The following GRIA4 variants were observed in gnomAD, a reference collection of about 807,000 sequenced individuals.
The protein encoded by GRIA4 is glutamate ionotropic receptor AMPA type subunit 4.
In GRIA4, 34 loss-of-function variants were observed where a neutral mutation model predicts 104.0. The observed-to-expected ratio is 0.33, with a 90% CI of 0.25 to 0.44. GRIA4 has a LOEUF of 0.44. Among genes scored for constraint, GRIA4 ranks in the 20% least tolerant of loss-of-function variants. The pLI is 1.00. For missense variants in GRIA4, 750 were observed against 1,096.5 expected, an observed-to-expected ratio of 0.68 and a Z score of 4.46; for synonymous variants, 386 against 381.9, an observed-to-expected ratio of 1.01 and a Z score of -0.13.
chr11:105,852,611 T>A (rs180735736), intron 4 of GRIA4, among the ~76,000 whole-genome samples: 15 of 152,290 alleles, frequency 9.8e-5, no homozygotes, highest in African/African-American at 3.6e-4. Context: ...CACCTCAGTG[T>A]CATTTCTCCA....
intron 4 of GRIA4, among the ~76,000 whole-genome samples, chr11:105,807,249 T>C (rs1942989884): frequency 6.6e-6 from 1 of 151,942 alleles, no homozygotes; most frequent in Admixed American, 6.6e-5. Flanking sequence ...TAACATTGTG[T>C]ATTTAACTAT....
chr11:105,844,209 C>G (rs1398860862), intron 4 of GRIA4, among the ~76,000 whole-genome samples: 2 of 152,096 alleles, frequency 1.3e-5, no homozygotes, highest in Non-Finnish European at 1.5e-5. Context: ...TGGATATAAC[C>G]TCCCCTTCCA....
chr11:105,615,697 T>C (rs1026730759), intron 3 of GRIA4, among the ~76,000 whole-genome samples: 1 of 151,776 alleles, frequency 6.6e-6, no homozygotes, highest in Non-Finnish European at 1.5e-5. Context: ...AACAGAATAG[T>C]TATCTTTGCA....
intron 4 of GRIA4, among the ~76,000 whole-genome samples, chr11:105,847,918 A>G (rs1302439853): frequency 6.6e-6 from 1 of 152,246 alleles, no homozygotes; most frequent in East Asian, 1.9e-4. Flanking sequence ...TGAGCCTGCC[A>G]GAATAGGTGG....
chr11:105,697,066 C>A (rs1419661475), intron 3 of GRIA4, among the ~76,000 whole-genome samples: 1 of 152,096 alleles, frequency 6.6e-6, no homozygotes, highest in African/African-American at 2.4e-5. Flanking sequence ...ACCCAGCCAA[C>A]TTTTCCTGAT....
At chr11:105,880,939 A>G (rs919698725) in intron 5 of GRIA4, among the ~76,000 whole-genome samples, 2 of 152,164 alleles carry the variant, frequency 1.3e-5, no homozygotes, top group Non-Finnish European at 2.9e-5. Context: ...TACTACTACA[A>G]TGGTTTACTT....
chr11:105,788,588 T>C (rs1041108717), intron 4 of GRIA4, among the ~76,000 whole-genome samples: 18 of 152,160 alleles, frequency 1.2e-4, no homozygotes, highest in Non-Finnish European at 2.4e-4. Flanking sequence ...ATCATTTCAT[T>C]ATAGCCACAT....
chr11:105,961,210 A>G (rs1244740750), intron 14 of GRIA4, among the ~76,000 whole-genome samples: 3 of 152,216 alleles, frequency 2.0e-5, no homozygotes, highest in Non-Finnish European at 2.9e-5. Flanking sequence ...CATTGCTTTA[A>G]TGCACATTAG....
At position 105,932,044 on chromosome 11, in the gene GRIA4, T is replaced by C. The variant is rs555775486; in HGVS notation, c.2047-1678T>C. 2.7e-5 allele frequency among the ~76,000 whole-genome samples: 4 copies of C among 150,818 alleles called. No individual in the cohort carries two copies. The East Asian group carries it at 7.7e-4, about 29-fold the overall frequency. ...AAAGACGTAAGTCTGAATGAGGTCT[T>C]CACTTTTTTTTTTTTTGGATTCAGA... On this transcript the variant is annotated intron_variant, in intron 13 of 16. Coordinates refer to ENST00000282499, the MANE Select transcript of GRIA4 (RefSeq NM_000829.4).
Position 105,625,288 on chromosome 11 carries a change from G to C in GRIA4, c.247+12854G>C, listed in dbSNP as rs573617703. 3.2e-4 allele frequency among the ~76,000 whole-genome samples: 48 copies of C among 152,212 alleles called. No individual in the cohort carries two copies. In the South Asian group the frequency reaches 7.7e-3, roughly 24 times the overall value. On this transcript the variant is annotated intron_variant, in intron 3 of 16. Transcript: ENST00000282499. ...AATGTTCTGTACTCATATGTTTGCA[G>C]ACTGTTTGTTGGAGGAAGTAGGGGA... is the stretch of plus-strand genomic sequence containing the variant.
chr11:105,818,765 C>A (rs1364539710), intron 4 of GRIA4, among the ~76,000 whole-genome samples: 1 of 152,136 alleles, frequency 6.6e-6, no homozygotes, highest in African/African-American at 2.4e-5. Context: ...CACAGAAGGG[C>A]TTGAGCTAAT....
intron 14 of GRIA4, among the ~76,000 whole-genome samples, chr11:105,958,699 C>T (rs538075848): frequency 2.0e-5 from 3 of 152,212 alleles, no homozygotes; most frequent in South Asian, 4.1e-4. Flanking sequence ...GCACCAGCTC[C>T]TCTTTGTACC....
At chr11:105,658,602 TA>T (rs1221812652) in intron 3 of GRIA4, among the ~76,000 whole-genome samples, 10 of 151,704 alleles carry the variant, frequency 6.6e-5, no homozygotes, top group African/African-American at 2.4e-4. Flanking sequence ...AAAATACTCA[TA>T]AACAAAGATG....
intron 3 of GRIA4, among the ~76,000 whole-genome samples, chr11:105,734,243 AAAC>A (rs1227168414): frequency 3.9e-5 from 6 of 151,904 alleles, no homozygotes; most frequent in African/African-American, 1.5e-4. Context: ...GGTAAATGGT[AAAC>A]ACAACAGCAT....
intron 3 of GRIA4, among the ~76,000 whole-genome samples, chr11:105,696,888 C>A (rs1027099432): frequency 6.6e-6 from 1 of 152,040 alleles, no homozygotes; most frequent in East Asian, 1.9e-4. Context: ...CCTCAGCCCC[C>A]CAAATAGCTG....
intron 3 of GRIA4, among the ~76,000 whole-genome samples, chr11:105,616,368 A>T (rs1243612984): frequency 1.3e-5 from 2 of 151,594 alleles, no homozygotes; most frequent in Non-Finnish European, 3.0e-5. Context: ...TTATTTGTGG[A>T]CTCTAAGTAT....
chr11:105,748,200 G>T (rs73630139), intron 3 of GRIA4, among the ~76,000 whole-genome samples: 187 of 152,272 alleles, frequency 1.2e-3, no homozygotes, highest in African/African-American at 4.3e-3. Context: ...TATTCCTAGT[G>T]CTGTTAACTT....
At chr11:105,900,147 A>G (rs140546701) in intron 7 of GRIA4, among the ~76,000 whole-genome samples, 4 of 152,290 alleles carry the variant, frequency 2.6e-5, no homozygotes, top group African/African-American at 9.6e-5. Flanking sequence ...AATAACCACA[A>G]AAGTGCCACA....
chr11:105,888,892 C>T (rs1341658993), intron 6 of GRIA4, among the ~76,000 whole-genome samples: 1 of 151,866 alleles, frequency 6.6e-6, no homozygotes, highest in Non-Finnish European at 1.5e-5. Flanking sequence ...TTTTTCATTG[C>T]TTTTTAGTAG....
Sources: gnomAD v4.1 joint callset for allele counts (sites outside exome capture counted in the v4.1 genomes callset) on GRCh38, gnomAD v4.1.1 for gene constraint, MANE v1.5 for transcripts, NCBI Gene and HGNC (gene_info 2026-07-23, HGNC 2026-07-21) for gene names.